Variants in ADCY8 observed in about 807,000 individuals in gnomAD.
ADCY8 encodes the protein adenylate cyclase type 8.
ADCY8 carries 51 observed loss-of-function variants against 119.7 expected under a neutral mutation model. The ratio of observed to expected loss-of-function variants is 0.43; its 90% CI spans 0.34 to 0.54. The LOEUF is 0.54. ADCY8 is among the 20% of genes least tolerant of loss of function. The pLI is 0.03. For synonymous variants in ADCY8, 665 were observed against 651.0 expected (o/e 1.02, Z -0.33); for missense variants, 1,383 against 1,598.8 (o/e 0.87, Z 2.30).
intron 7 of ADCY8, among the ~76,000 whole-genome samples, chr8:130,885,597 C>A (rs1007059416): frequency 6.6e-6 from 1 of 151,854 alleles, no homozygotes; most frequent in South Asian, 2.1e-4. Flanking sequence ...GATTAACTGG[C>A]TGTATCTAGC....
At chr8:130,893,654 GAAGGTGTGT>G (rs1355824273) in intron 7 of ADCY8, among the ~76,000 whole-genome samples, 1 of 100,848 alleles carries the variant, frequency 9.9e-6, no homozygotes, top group Non-Finnish European at 2.0e-5. Context: ...ATGGGGAGAA[GAAGGTGTGT>G]GTGTGTGTGT....
At chr8:130,816,429 T>TTTC (rs1365536111) in intron 13 of ADCY8, among the ~76,000 whole-genome samples, 2 of 143,952 alleles carry the variant, frequency 1.4e-5, no homozygotes, top group South Asian at 4.7e-4. Context: ...TTTTTTTTCT[T>TTTC]TTTTTTTTTT....
At chr8:130,828,298 G>T (rs1816727386) in intron 12 of ADCY8, among the ~76,000 whole-genome samples, 1 of 152,190 alleles carries the variant, frequency 6.6e-6, no homozygotes, top group South Asian at 2.1e-4. Context: ...TAGCTCAAGG[G>T]AAGGCGTACT....
At chr8:130,792,956 G>A (rs919745185) in intron 15 of ADCY8, among the ~76,000 whole-genome samples, 1 of 152,174 alleles carries the variant, frequency 6.6e-6, no homozygotes, top group African/African-American at 2.4e-5. Flanking sequence ...TTTAAAGGCA[G>A]GAACCAGCTC....
chr8:131,040,259 G>A lies in ADCY8; in HGVS notation c.75C>T (p.Gly25=). The A allele has an allele frequency of 1.3e-6, 2 of 1,554,834 alleles. No individual in the cohort carries two copies. The highest frequency in any genetic ancestry group is 1.7e-6 in the Non-Finnish European group (2 of 1,156,902). ...GCGGCCGGGAGGCGCTCCTGCCGTC[G>A]CCGGCCGGGGGCGTCGGGTGGATGG... ...LYTIHPTPPA[G]DGRSASRPQR... The change falls in exon 1 of 18, where the codon GGC becomes GGT. Residue 25 remains glycine (G), a synonymous_variant. Transcript: ENST00000286355.
intron 5 of ADCY8, 75 bp from the exon 6 acceptor site, chr8:130,909,941 T>A: frequency 2.5e-6 from 1 of 401,236 alleles, no homozygotes; most frequent in Non-Finnish European, 3.3e-6. Flanking sequence ...CTTTCTTTTC[T>A]TTTTTTTTTT....
rs530356067 is a variant in ADCY8, at chr8:130,984,113, T to G, written c.1110+6280A>C. Among the ~76,000 whole-genome samples, 4 of 151,718 alleles carry G rather than the reference T, an allele frequency of 2.6e-5. No individual in the cohort carries two copies. The South Asian group carries it at 8.3e-4, about 32-fold the overall frequency. Reference sequence around the variant, plus strand: ...GGAGCCTGCATGGGTGGGCTCCCTGTGAAGAGGACAAGAGCTTGCATGGGC... The same window carrying G: ...GGAGCCTGCATGGGTGGGCTCCCTGGGAAGAGGACAAGAGCTTGCATGGGC... On this transcript the variant is annotated intron_variant, in intron 2 of 17. Coordinates refer to ENST00000286355, the MANE Select transcript of ADCY8 (RefSeq NM_001115.3).
intron 5 of ADCY8, among the ~76,000 whole-genome samples, chr8:130,931,566 C>T (rs1043198903): frequency 6.6e-6 from 1 of 152,024 alleles, no homozygotes; most frequent in African/African-American, 2.4e-5. Flanking sequence ...CTTCTAAAGC[C>T]CCCATGACTT....
intron 14 of ADCY8, among the ~76,000 whole-genome samples, chr8:130,811,016 A>G (rs1315993363): frequency 2.0e-5 from 3 of 151,920 alleles, no homozygotes; most frequent in Non-Finnish European, 4.4e-5. Context: ...TCTGGTGGTC[A>G]TGGTTGATAC....
chr8:131,017,897 C>A (rs555923532), intron 1 of ADCY8, among the ~76,000 whole-genome samples: 1 of 151,970 alleles, frequency 6.6e-6, no homozygotes, highest in African/African-American at 2.4e-5. Flanking sequence ...GTTAAGAAAC[C>A]TTTCGGACCC....
At chr8:130,782,202 C>T (rs191969951) in intron 17 of ADCY8, among the ~76,000 whole-genome samples, 35 of 152,038 alleles carry the variant, frequency 2.3e-4, no homozygotes, top group African/African-American at 8.0e-4. Flanking sequence ...GACACGTATA[C>T]CCACTGATAT....
intron 5 of ADCY8, among the ~76,000 whole-genome samples, chr8:130,931,737 G>T (rs1820634875): frequency 6.6e-6 from 1 of 151,810 alleles, no homozygotes. Flanking sequence ...GTTCTCTATT[G>T]CAGTTTTCAT....
intron 15 of ADCY8, among the ~76,000 whole-genome samples, chr8:130,790,282 G>T (rs1175678260): frequency 6.6e-6 from 1 of 152,190 alleles, no homozygotes; most frequent in East Asian, 1.9e-4. Flanking sequence ...TTATTAGAGA[G>T]ACCCATGGGA....
chr8:130,925,073 C>A (rs557583239), intron 5 of ADCY8, among the ~76,000 whole-genome samples: 87 of 151,484 alleles, frequency 5.7e-4, no homozygotes, highest in African/African-American at 1.9e-3. Flanking sequence ...GGCCTGGTGG[C>A]ATGCGCCTGT....
At chr8:130,924,501 GTCT>G (rs1554616597) in intron 5 of ADCY8, among the ~76,000 whole-genome samples, 1 of 152,146 alleles carries the variant, frequency 6.6e-6, no homozygotes, top group Non-Finnish European at 1.5e-5. Context: ...AATGGTAGTT[GTCT>G]TCTTGTGCAG....
intron 9 of ADCY8, among the ~76,000 whole-genome samples, chr8:130,867,236 G>A (rs1248587939): frequency 2.0e-5 from 3 of 152,150 alleles, no homozygotes; most frequent in African/African-American, 7.2e-5. Flanking sequence ...AGAGGGTTAA[G>A]AACCCAGACT....
At chr8:131,018,656 A>G (rs1298957737) in intron 1 of ADCY8, among the ~76,000 whole-genome samples, 2 of 152,192 alleles carry the variant, frequency 1.3e-5, no homozygotes, top group Non-Finnish European at 1.5e-5. Context: ...GCTCACTCCT[A>G]TATAAGACAC....
At chr8:130,891,094 A>T (rs1472787726) in intron 7 of ADCY8, among the ~76,000 whole-genome samples, 1 of 152,132 alleles carries the variant, frequency 6.6e-6, no homozygotes, top group Admixed American at 6.6e-5. Context: ...AGAAGTAGGT[A>T]GGGCCAGTAG....
chr8:130,936,855 G>A (rs1050381121), intron 5 of ADCY8, among the ~76,000 whole-genome samples: 1 of 152,146 alleles, frequency 6.6e-6, no homozygotes, highest in African/African-American at 2.4e-5. Context: ...ATACAAACTT[G>A]TAGCACAAAT....
Sources: allele counts gnomAD v4.1 joint callset (sites outside exome capture counted in the v4.1 genomes callset), GRCh38; gene constraint gnomAD v4.1.1; transcripts MANE v1.5; gene names NCBI Gene and HGNC (gene_info 2026-07-23, HGNC 2026-07-21).